DLGAP2: variants seen among roughly 807,000 people sequenced by gnomAD.
The protein encoded by DLGAP2 is DLG associated protein 2, also known as disks large-associated protein 2.
DLGAP2 carries 26 observed loss-of-function variants against 100.3 expected under a neutral mutation model. That is an observed-to-expected ratio of 0.26 (90% CI 0.19 to 0.36). The LOEUF (loss-of-function observed/expected upper bound fraction) is 0.36, where lower values mean the gene tolerates loss of function less well. Among genes scored for constraint, DLGAP2 ranks in the 10% least tolerant of loss-of-function variants. The pLI is 1.00. For missense variants in DLGAP2, 1,858 were observed against 1,453.2 expected, an observed-to-expected ratio of 1.28 and a Z score of -4.53; for synonymous variants, 886 against 630.1, an observed-to-expected ratio of 1.41 and a Z score of -6.08.
At chr8:1,602,730 C>G (rs939312949) in intron 6 of DLGAP2, among the ~76,000 whole-genome samples, 1 of 152,236 alleles carries the variant, frequency 6.6e-6, no homozygotes, top group Non-Finnish European at 1.5e-5. Flanking sequence ...CCACAAGTGT[C>G]TCTTGAGCTC....
At position 1,705,533 on chromosome 8, in the gene DLGAP2, T is replaced by C; in HGVS notation, c.*4127T>C. 6.6e-6 allele frequency: 1 copy of C among 152,364 alleles called. No individual in the cohort carries two copies. Among genetic ancestry groups the C allele is most frequent in the Non-Finnish European group, 1.5e-5 (1 of 68,060 alleles). 9.4% of individuals were successfully genotyped at this position (152,364 alleles called of 1,614,324 possible). A position where few individuals can be genotyped will look rare whatever the true frequency, so the allele number is the denominator to read the frequency against. On this transcript the variant is annotated 3_prime_UTR_variant, in exon 15 of 15. Coordinates refer to ENST00000637795, the MANE Select transcript of DLGAP2 (RefSeq NM_001346810.2). ...GTGCGCTGGTACGGACATAAAAGCATTGTCCAAAACAGCGCTGGTTCGGGG... is the reference window on the plus strand; with the variant it reads ...GTGCGCTGGTACGGACATAAAAGCACTGTCCAAAACAGCGCTGGTTCGGGG...
At chr8:1,084,944 A>G (rs1233332922) in intron 2 of DLGAP2, among the ~76,000 whole-genome samples, 1 of 152,188 alleles carries the variant, frequency 6.6e-6, no homozygotes, top group African/African-American at 2.4e-5. Context: ...ACACCTTCGT[A>G]CTGTTCTCCA....
At chr8:1,081,726 C>T (rs1331959294) in intron 2 of DLGAP2, among the ~76,000 whole-genome samples, 1 of 152,124 alleles carries the variant, frequency 6.6e-6, no homozygotes, top group Non-Finnish European at 1.5e-5. Context: ...TTTATTGAGT[C>T]TTTCCTATAG....
intron 3 of DLGAP2, among the ~76,000 whole-genome samples, chr8:1,299,384 G>C (rs1800275693): frequency 6.6e-6 from 1 of 152,204 alleles, no homozygotes; most frequent in South Asian, 2.1e-4. Flanking sequence ...AGATTCTCAT[G>C]GCCCTTCTTT....
chr8:1,136,448 A>T (rs532721557), intron 2 of DLGAP2, among the ~76,000 whole-genome samples: 1 of 152,184 alleles, frequency 6.6e-6, no homozygotes, highest in African/African-American at 2.4e-5. Context: ...CTGGCTCCCC[A>T]TACAGGCCGG....
chr8:907,541 G>A (rs982744405), intron 1 of DLGAP2, among the ~76,000 whole-genome samples: 2 of 152,120 alleles, frequency 1.3e-5, no homozygotes, highest in Non-Finnish European at 2.9e-5. Flanking sequence ...TCCATTTCCA[G>A]GCTCTAATTG....
intron 2 of DLGAP2, among the ~76,000 whole-genome samples, chr8:1,057,385 C>A (rs1802914123): frequency 6.6e-6 from 1 of 152,216 alleles, no homozygotes; most frequent in African/African-American, 2.4e-5. Flanking sequence ...TCCAAACATT[C>A]AAATGCTGCA....
chr8:1,687,911 A>C (rs968433902), intron 12 of DLGAP2, among the ~76,000 whole-genome samples: 23 of 152,208 alleles, frequency 1.5e-4, no homozygotes, highest in African/African-American at 5.5e-4. Flanking sequence ...TATCTTCATT[A>C]ATTACCCAGG....
chr8:998,284 C>T (rs1800845175), intron 2 of DLGAP2, among the ~76,000 whole-genome samples: 1 of 152,190 alleles, frequency 6.6e-6, no homozygotes. Flanking sequence ...CCTACAGAGG[C>T]TCATCTTTAC....
At chr8:1,348,859 T>C (rs1801636022) in intron 3 of DLGAP2, among the ~76,000 whole-genome samples, 1 of 152,202 alleles carries the variant, frequency 6.6e-6, no homozygotes, top group Non-Finnish European at 1.5e-5. Context: ...TGCTTCCCCA[T>C]CCATGTCCTG....
intron 3 of DLGAP2, among the ~76,000 whole-genome samples, chr8:1,364,593 A>G (rs926793964): frequency 6.6e-6 from 1 of 152,160 alleles, no homozygotes; most frequent in South Asian, 2.1e-4. Flanking sequence ...TCTTCGCAGC[A>G]GGGGCCGGCG....
chr8:1,160,304 C>T (rs994819560), intron 2 of DLGAP2, among the ~76,000 whole-genome samples: 1 of 152,156 alleles, frequency 6.6e-6, no homozygotes, highest in Non-Finnish European at 1.5e-5. Flanking sequence ...TGACAGGTCC[C>T]GTGCCTGGTT....
chr8:1,078,395 A>G (rs867602763), intron 2 of DLGAP2, among the ~76,000 whole-genome samples: 1 of 152,190 alleles, frequency 6.6e-6, no homozygotes, highest in Non-Finnish European at 1.5e-5. Context: ...TTGAGGAACC[A>G]GTATTGATCC....
intron 2 of DLGAP2, among the ~76,000 whole-genome samples, chr8:1,235,241 C>G (rs117753453): frequency 0.017 from 2,144 of 126,856 alleles, 28 homozygotes; most frequent in South Asian, 0.071. Flanking sequence ...GTCTAGTTCT[C>G]TCACACATGG....
chr8:1,434,161 G>A (rs1797548382), intron 3 of DLGAP2, among the ~76,000 whole-genome samples: 1 of 152,126 alleles, frequency 6.6e-6, no homozygotes, highest in Non-Finnish European at 1.5e-5. Flanking sequence ...GGATTAATAT[G>A]ACCGTCAGCA....
chr8:1,481,915 G>A (rs1284271609), intron 3 of DLGAP2, among the ~76,000 whole-genome samples: 1 of 152,184 alleles, frequency 6.6e-6, no homozygotes, highest in African/African-American at 2.4e-5. Flanking sequence ...CTTCCAGCCC[G>A]ACCCGATTAT....
At chr8:1,208,101 A>G (rs1011875880) in intron 2 of DLGAP2, among the ~76,000 whole-genome samples, 4 of 152,032 alleles carry the variant, frequency 2.6e-5, no homozygotes, top group African/African-American at 7.2e-5. Context: ...CTTTTGTTGA[A>G]TTTGCTTTTG....
intron 3 of DLGAP2, among the ~76,000 whole-genome samples, chr8:1,412,504 G>C (rs1796761189): frequency 1.3e-5 from 2 of 152,218 alleles, no homozygotes; most frequent in South Asian, 4.1e-4. Flanking sequence ...TTGACCTGCA[G>C]AATAAATGTG....
chr8:1,069,500 T>C (rs560818199), intron 2 of DLGAP2, among the ~76,000 whole-genome samples: 25 of 152,188 alleles, frequency 1.6e-4, no homozygotes, highest in South Asian at 1.0e-3. Context: ...ACTTGCATTT[T>C]TGCTTTTTTG....
Sources: gnomAD v4.1 joint callset for allele counts (sites outside exome capture counted in the v4.1 genomes callset) on GRCh38, gnomAD v4.1.1 for gene constraint, MANE v1.5 for transcripts, NCBI Gene and HGNC (gene_info 2026-07-23, HGNC 2026-07-21) for gene names.